The following GGT1 variants were observed in gnomAD, a reference collection of about 807,000 sequenced individuals.
GGT1 encodes gamma-glutamyltransferase 1.
Under a neutral mutation model 56.0 loss-of-function variants are expected in GGT1, and 21 were observed. The ratio of observed to expected loss-of-function variants is 0.38; its 90% CI spans 0.27 to 0.54. The LOEUF is 0.54. Ranked by LOEUF, GGT1 falls within the 20% of genes least tolerant of loss-of-function variation. GGT1 has a pLI of 0.82. For missense variants in GGT1, 466 were observed against 787.0 expected (o/e 0.59, Z 4.88); for synonymous variants, 238 against 342.6 (o/e 0.69, Z 3.37).
intron 7 of GGT1, among the ~76,000 whole-genome samples, chr22:24,619,400 GAAA>G (rs372709571): frequency 0.012 from 1,167 of 96,358 alleles, 10 homozygotes; most frequent in African/African-American, 0.038. Context: ...CTCCATCTCA[GAAA>G]AAAAAAAAAA....
At chr22:24,604,044 C>T (rs1360937198) in intron 1 of GGT1, among the ~76,000 whole-genome samples, 2 of 152,076 alleles carry the variant, frequency 1.3e-5, no homozygotes, top group African/African-American at 4.8e-5. Context: ...CTCTGTGCCG[C>T]AAGGGTGGAA....
chr22:24,617,730 G>A lies in GGT1; in HGVS notation c.383-2598G>A, dbSNP rs380131. ...CGTTGAAGTTTGAGATGCTTTCTTC[G>A]AGCAGGCAGGTAGATCCTCAGGTCT... On this transcript the variant is annotated intron_variant, in intron 7 of 15. Coordinates refer to ENST00000400382, the MANE Select transcript of GGT1 (RefSeq NM_001288833.2). Among the ~76,000 whole-genome samples, 950 of 152,054 alleles carry A rather than the reference G, an allele frequency of 6.2e-3. 11 individuals are homozygous for A. Among genetic ancestry groups the A allele is most frequent in the African/African-American group, 0.022 (924 of 41,406 alleles).
upstream of GGT1, among the ~76,000 whole-genome samples, chr22:24,601,510 C>A (rs2045782216): frequency 6.6e-6 from 1 of 152,206 alleles, no homozygotes; most frequent in South Asian, 2.1e-4. Flanking sequence ...GGTTCCTATG[C>A]CAGGAGCTCC....
intron 10 of GGT1, among the ~76,000 whole-genome samples, chr22:24,623,561 CACT>C (rs1275255776): frequency 6.7e-6 from 1 of 149,960 alleles, no homozygotes; most frequent in East Asian, 2.0e-4. Context: ...GTGACCCTGC[CACT>C]TGGTCATTGA....
upstream of GGT1, among the ~76,000 whole-genome samples, chr22:24,590,422 C>T (rs1425751307): frequency 6.6e-6 from 1 of 152,098 alleles, no homozygotes; most frequent in African/African-American, 2.4e-5. Context: ...CCTTGGAGGA[C>T]CCTTTGGATA....
the GGT1 span, chr22:24,589,424 C>T: frequency 1.4e-5 from 14 of 997,554 alleles, no homozygotes; most frequent in Middle Eastern, 4.8e-4. Context: ...TAGCCGAGAG[C>T]GGCTCTCTTC....
At chr22:24,588,079 G>C in the GGT1 span, 49 of 686,926 alleles carry the variant, frequency 7.1e-5, no homozygotes, top group African/African-American at 8.3e-4. Flanking sequence ...TCCAGGGTAG[G>C]GCCCTCATGC....
At chr22:24,611,793 G>C (rs1462449138) in intron 5 of GGT1, among the ~76,000 whole-genome samples, 1 of 128,786 alleles carries the variant, frequency 7.8e-6, no homozygotes, top group African/African-American at 4.7e-5. Context: ...GTGTGTGTGT[G>C]TGTGTGTGTG....
upstream of GGT1, among the ~76,000 whole-genome samples, chr22:24,598,805 G>A (rs1251027187): frequency 2.6e-5 from 4 of 152,076 alleles, no homozygotes; most frequent in South Asian, 2.1e-4. Flanking sequence ...CACCCACCTC[G>A]CCCTCCCAAA....
At chr22:24,588,584 C>CA in the GGT1 span, 1 of 922,306 alleles carries the variant, frequency 1.1e-6, no homozygotes, top group Non-Finnish European at 1.5e-6. Context: ...GAAGCCCAGA[C>CA]AATGAGCCCT....
intron 1 of GGT1, among the ~76,000 whole-genome samples, chr22:24,597,379 A>G (rs945971185): frequency 6.6e-6 from 1 of 152,144 alleles, no homozygotes; most frequent in Admixed American, 6.6e-5. Context: ...AACCAACTCA[A>G]ACTGTGTTTT....
intron 4 of GGT1, 75 bp from the exon 5 acceptor site, chr22:24,611,000 A>T (rs1018748094): frequency 1.5e-6 from 2 of 1,370,000 alleles, no homozygotes; most frequent in African/African-American, 2.9e-5. Context: ...CCGACTTTAG[A>T]CTGTGCCCTG....
the GGT1 span, chr22:24,586,304 C>T: frequency 6.2e-7 from 1 of 1,614,020 alleles, no homozygotes; most frequent in Non-Finnish European, 8.5e-7. Flanking sequence ...AGCACCATGG[C>T]TGCTCAGGTA....
At chr22:24,589,213 C>T in the GGT1 span, 59 of 1,249,540 alleles carry the variant, frequency 4.7e-5, no homozygotes, top group Middle Eastern at 8.9e-4. Flanking sequence ...GGGGCTGTGT[C>T]GATGCTCATG....
At chr22:24,593,033 C>G (rs1219503514), upstream of GGT1, 3 of 1,051,332 alleles carry the variant, frequency 2.9e-6, no homozygotes, top group Non-Finnish European at 3.4e-6. Context: ...CCCAGCCGCG[C>G]CCCCATGGCC....
the GGT1 span, chr22:24,586,271 C>T: frequency 6.2e-7 from 1 of 1,613,898 alleles, no homozygotes; most frequent in Non-Finnish European, 8.5e-7. Context: ...CCCCGTGAAG[C>T]TCAGGTCCAG....
chr22:24,588,681 C>T, the GGT1 span: 54 of 1,107,044 alleles, frequency 4.9e-5, no homozygotes, highest in African/African-American at 1.8e-4. Context: ...GGACTTGCCA[C>T]AGGGGGAGGA....
the GGT1 span, chr22:24,588,712 G>A: frequency 2.8e-6 from 3 of 1,078,522 alleles, no homozygotes; most frequent in South Asian, 3.0e-5. Context: ...GGCCCCTCGA[G>A]GGAGCCGTGC....
chr22:24,603,005 A>T (rs543764971), upstream of GGT1: 3 of 152,328 alleles, frequency 2.0e-5, no homozygotes, highest in Admixed American at 2.0e-4. Flanking sequence ...TTGAGACCCC[A>T]CCGGGCTCAG....
Sources: gnomAD v4.1 joint callset for allele counts (sites outside exome capture counted in the v4.1 genomes callset) on GRCh38, gnomAD v4.1.1 for gene constraint, MANE v1.5 for transcripts, NCBI Gene and HGNC (gene_info 2026-07-23, HGNC 2026-07-21) for gene names.